Variants in MAD1L1 observed in about 807,000 individuals in gnomAD.
The protein encoded by MAD1L1 is mitotic arrest deficient 1 like 1, also known as mitotic spindle assembly checkpoint protein MAD1.
A neutral mutation model predicts 96.9 loss-of-function variants in MAD1L1; 95 were observed. The ratio of observed to expected loss-of-function variants is 0.98; its 90% confidence interval spans 0.83 to 1.16. The LOEUF is 1.16. Ranked by LOEUF, MAD1L1 falls within the 50% of genes most tolerant of loss-of-function variation. The pLI, the probability that MAD1L1 is intolerant of heterozygous loss-of-function variation, is 0.00. For synonymous variants in MAD1L1, 473 were observed against 396.6 expected, an observed-to-expected ratio of 1.19 and a Z score of -2.29; for missense variants, 1,007 against 954.4, an observed-to-expected ratio of 1.06 and a Z score of -0.73.
chr7:2,195,637 G>T (rs182887626), intron 10 of MAD1L1, among the ~76,000 whole-genome samples: 1 of 152,306 alleles, frequency 6.6e-6, no homozygotes, highest in Non-Finnish European at 1.5e-5. Flanking sequence ...AAAATTAATT[G>T]CTAATCTTCT....
At chr7:1,885,129 T>C (rs1002887738) in intron 18 of MAD1L1, among the ~76,000 whole-genome samples, 1 of 152,144 alleles carries the variant, frequency 6.6e-6, no homozygotes, top group African/African-American at 2.4e-5. Flanking sequence ...GGTAGAGTCA[T>C]AGCAGGACAG....
intron 15 of MAD1L1, among the ~76,000 whole-genome samples, chr7:1,977,395 G>C (rs1156858802): frequency 6.6e-6 from 1 of 152,248 alleles, no homozygotes; most frequent in Non-Finnish European, 1.5e-5. Flanking sequence ...GGCAACGCTG[G>C]CCAGCTGCTC....
intron 10 of MAD1L1, among the ~76,000 whole-genome samples, chr7:2,188,779 T>C (rs957009498): frequency 1.3e-5 from 2 of 152,102 alleles, no homozygotes; most frequent in African/African-American, 4.8e-5. Flanking sequence ...TGGCACAGAT[T>C]TCTTGGATAT....
chr7:2,137,697 G>A (rs1302747607), intron 11 of MAD1L1, among the ~76,000 whole-genome samples: 4 of 152,230 alleles, frequency 2.6e-5, no homozygotes, highest in Admixed American at 6.5e-5. Flanking sequence ...CCATGGTCCC[G>A]GGTCACCTCA....
chr7:1,854,356 A>AACCTACCCTGTGGAAGC (rs555357246), intron 18 of MAD1L1: 136 of 471,930 alleles, frequency 2.9e-4, no homozygotes, highest in African/African-American at 2.6e-3. Context: ...GCTGTGGGGG[A>AACCTACCCTGTGGAAGC]ACCTACCCTG....
In MAD1L1 at chr7:2,229,959, T is replaced by C. The variant is rs148337761; in HGVS notation, c.150+25A>G. On this transcript the variant is annotated intron_variant, in intron 3 of 18. Transcript: ENST00000265854. ...GGCCCAGGGTCTCCCCAGAGCAGAC[T>C]CCCACCCAGGCACATGCCACTCACC... 4.3e-4 allele frequency: 688 copies of C among 1,610,718 alleles called. 5 individuals are homozygous for C. In the East Asian group the frequency reaches 0.015, roughly 35 times the overall value.
intron 18 of MAD1L1, among the ~76,000 whole-genome samples, chr7:1,852,497 C>T (rs936551610): frequency 8.4e-4 from 128 of 152,158 alleles, no homozygotes; most frequent in African/African-American, 3.0e-3. Context: ...GCTCCCTGGG[C>T]GGAGAGGCTG....
At chr7:2,183,669 G>A (rs1484840022) in intron 10 of MAD1L1, among the ~76,000 whole-genome samples, 9 of 151,844 alleles carry the variant, frequency 5.9e-5, no homozygotes, top group Non-Finnish European at 7.4e-5. Context: ...ACCAAACACC[G>A]CATGTTCTCA....
rs757869828 is a variant in MAD1L1, at chr7:2,215,962, G to C, written c.847C>G (p.Leu283Val). Residue 283 changes from leucine (L) to valine (V), a missense_variant, in exon 9 of 19, where the codon CTG becomes GTG. By Grantham distance (32) the Leu-to-Val change is conservative. Transcript: ENST00000265854. ...RETNGLLQEELEGLQRKLGRQ... is the reference protein window; with the variant it reads ...RETNGLLQEEVEGLQRKLGRQ... ...CCCAGCTTCCTCTGCAGCCCTTCCA[G>C]CTCTTCCTGGAGCAGCCCGTTGGTC... is the stretch of plus-strand genomic sequence containing the variant. 2.7e-5 allele frequency: 44 copies of C among 1,614,038 alleles called. No individual in the cohort carries two copies. Among genetic ancestry groups the C allele is most frequent in the Non-Finnish European group, 3.6e-5 (42 of 1,180,052 alleles).
At chr7:1,967,363 CACAA>C (rs1262497324) in intron 15 of MAD1L1, among the ~76,000 whole-genome samples, 4 of 152,132 alleles carry the variant, frequency 2.6e-5, no homozygotes, top group Non-Finnish European at 5.9e-5. Flanking sequence ...GGAGGAGACA[CACAA>C]ACAAATAATA....
intron 15 of MAD1L1, among the ~76,000 whole-genome samples, chr7:1,977,430 C>A (rs1032594889): frequency 6.6e-6 from 1 of 152,350 alleles, no homozygotes; most frequent in Non-Finnish European, 1.5e-5. Context: ...GCCAAGCCCA[C>A]GCCCACCCAG....
intron 15 of MAD1L1, among the ~76,000 whole-genome samples, chr7:1,959,475 C>A (rs1016705621): frequency 4.1e-4 from 63 of 152,080 alleles, no homozygotes; most frequent in African/African-American, 1.5e-3. Flanking sequence ...CACGAGGCAG[C>A]GCAAGGAACA....
intron 12 of MAD1L1, among the ~76,000 whole-genome samples, chr7:2,039,777 A>G (rs1235984354): frequency 3.3e-5 from 5 of 152,194 alleles, no homozygotes; most frequent in Non-Finnish European, 7.3e-5. Flanking sequence ...TTTGTCAGAT[A>G]TGAAGCTTGC....
intron 18 of MAD1L1, among the ~76,000 whole-genome samples, chr7:1,886,265 C>A (rs1471445014): frequency 6.6e-6 from 1 of 152,242 alleles, no homozygotes; most frequent in Non-Finnish European, 1.5e-5. Flanking sequence ...GAGTCCTGAT[C>A]TGTGCAAGAT....
chr7:1,982,380 T>C (rs772713419), intron 14 of MAD1L1, among the ~76,000 whole-genome samples: 1 of 152,158 alleles, frequency 6.6e-6, no homozygotes, highest in Non-Finnish European at 1.5e-5. Flanking sequence ...AGCTAATTTT[T>C]GTATTTTTAG....
At chr7:2,214,956 GCA>G (rs1269942200) in intron 9 of MAD1L1, among the ~76,000 whole-genome samples, 1 of 152,196 alleles carries the variant, frequency 6.6e-6, no homozygotes, top group African/African-American at 2.4e-5. Flanking sequence ...AATTGGTGCG[GCA>G]CAGAGGCTCA....
chr7:1,818,510 T>A (rs1395450875), intron 18 of MAD1L1, among the ~76,000 whole-genome samples: 1 of 152,018 alleles, frequency 6.6e-6, no homozygotes, highest in African/African-American at 2.4e-5. Context: ...TCCTGAGCAG[T>A]TGGAATGACA....
chr7:1,884,778 G>C (rs1457299181), intron 18 of MAD1L1, among the ~76,000 whole-genome samples: 1 of 152,214 alleles, frequency 6.6e-6, no homozygotes, highest in Non-Finnish European at 1.5e-5. Flanking sequence ...CCTGTCTGCT[G>C]TCCCACAGGT....
At chr7:1,848,236 G>A (rs950125901) in intron 18 of MAD1L1, 2 of 175,684 alleles carry the variant, frequency 1.1e-5, no homozygotes, top group East Asian at 1.6e-4. Flanking sequence ...AGCCCGTGCT[G>A]GAAGCATCAC....
Sources: gnomAD v4.1 joint callset for allele counts (sites outside exome capture counted in the v4.1 genomes callset) on GRCh38, gnomAD v4.1.1 for gene constraint, MANE v1.5 for transcripts, NCBI Gene and HGNC (gene_info 2026-07-23, HGNC 2026-07-21) for gene names.